The following RHEB variants were observed in gnomAD, a reference collection of about 807,000 sequenced individuals.
RHEB encodes the protein GTP-binding protein Rheb.
RHEB carries 2 observed loss-of-function variants against 28.8 expected under a neutral mutation model. The ratio of observed to expected loss-of-function variants is 0.07; its 90% CI spans 0.03 to 0.22. The LOEUF is 0.22. RHEB is among the 10% of genes least tolerant of loss of function. The pLI, the probability that RHEB is intolerant of heterozygous loss-of-function variation, is 1.00. For synonymous variants in RHEB, 69 were observed against 77.3 expected, an observed-to-expected ratio of 0.89 and a Z score of 0.56; for missense variants, 76 against 219.9, an observed-to-expected ratio of 0.35 and a Z score of 4.14.
chr7:151,491,674 C>A (rs1802584375), intron 1 of RHEB, among the ~76,000 whole-genome samples: 1 of 151,668 alleles, frequency 6.6e-6, no homozygotes, highest in African/African-American at 2.4e-5. Context: ...GAGGCAGAGG[C>A]TGCAGTGGGC....
At chr7:151,515,965 G>C (rs1362916134) in intron 1 of RHEB, among the ~76,000 whole-genome samples, 1 of 152,114 alleles carries the variant, frequency 6.6e-6, no homozygotes, top group Admixed American at 6.5e-5. Flanking sequence ...GGTAAACTAG[G>C]TTACCAAAGC....
intron 2 of RHEB, among the ~76,000 whole-genome samples, chr7:151,489,365 TTATA>T (rs1034465839): frequency 1.1e-4 from 16 of 152,198 alleles, no homozygotes; most frequent in African/African-American, 3.9e-4. Context: ...TTGCTTACTA[TTATA>T]TAATGACCAG....
intron 1 of RHEB, among the ~76,000 whole-genome samples, chr7:151,506,244 T>C (rs1196524127): frequency 3.3e-5 from 5 of 151,672 alleles, no homozygotes; most frequent in African/African-American, 1.2e-4. Context: ...TGGAGTACAA[T>C]GGCAGGATCA....
intron 1 of RHEB, among the ~76,000 whole-genome samples, chr7:151,511,668 T>C (rs1802991476): frequency 1.3e-5 from 2 of 152,184 alleles, no homozygotes; most frequent in South Asian, 4.1e-4. Flanking sequence ...AGATTTCTTT[T>C]TTTTTTTTTG....
At chr7:151,515,291 G>C (rs1237854977) in intron 1 of RHEB, among the ~76,000 whole-genome samples, 1 of 152,196 alleles carries the variant, frequency 6.6e-6, no homozygotes, top group African/African-American at 2.4e-5. Flanking sequence ...TCCAGAGTAA[G>C]TAAATTCATA....
At chr7:151,496,091 A>G (rs1802667423) in intron 1 of RHEB, among the ~76,000 whole-genome samples, 1 of 152,226 alleles carries the variant, frequency 6.6e-6, no homozygotes, top group Non-Finnish European at 1.5e-5. Context: ...GATGTAATGC[A>G]TCTAGGACAC....
chr7:151,514,778 C>A (rs1803046159), intron 1 of RHEB, among the ~76,000 whole-genome samples: 1 of 152,118 alleles, frequency 6.6e-6, no homozygotes, highest in African/African-American at 2.4e-5. Context: ...GTGTCTCACA[C>A]CTGTAATCCC....
intron 3 of RHEB, among the ~76,000 whole-genome samples, chr7:151,484,155 A>G (rs981417169): frequency 7.9e-5 from 12 of 152,162 alleles, no homozygotes; most frequent in Non-Finnish European, 1.6e-4. Flanking sequence ...AGGTCCTCAT[A>G]AGATTAAATC....
At chr7:151,513,377 G>A (rs1425873622) in intron 1 of RHEB, among the ~76,000 whole-genome samples, 1 of 152,164 alleles carries the variant, frequency 6.6e-6, no homozygotes. Context: ...ATGTTGCCAA[G>A]GAAATTATTT....
At chr7:151,493,203 C>A (rs946843160) in intron 1 of RHEB, among the ~76,000 whole-genome samples, 1 of 152,132 alleles carries the variant, frequency 6.6e-6, no homozygotes, top group Non-Finnish European at 1.5e-5. Context: ...GGTTACCACT[C>A]TGACCTCATC....
At chr7:151,470,673 T>C in intron 6 of RHEB, 21 bp from the exon 7 acceptor site, 1 of 1,507,536 alleles carries the variant, frequency 6.6e-7, no homozygotes, top group Non-Finnish European at 9.2e-7. Flanking sequence ...AATAAAATTC[T>C]AGTTAAAGTA....
intron 1 of RHEB, chr7:151,503,118 T>A: frequency 1.2e-6 from 1 of 814,234 alleles, no homozygotes; most frequent in Non-Finnish European, 2.2e-6. Flanking sequence ...GAAATTCTAA[T>A]GGTCTATGAA....
In RHEB at chr7:151,470,592, T is replaced by C. The variant is rs1802144514; in HGVS notation, c.441A>G (p.Glu147=). The change falls in exon 7 of 8, where the codon GAA becomes GAG. Residue 147 remains glutamate, a synonymous_variant. Transcript: ENST00000262187. ...TTACCTGATTTTCTTTAGCAGAAGA[T>C]TCCAAAAAAGCTGCATTCCAAGATT... ...LAESWNAAFL[E]SSAKENQTAV... 7.4e-6 allele frequency: 12 copies of C among 1,612,544 alleles called. No individual in the cohort carries two copies. The highest frequency in any genetic ancestry group is 1.0e-5 in the Non-Finnish European group (12 of 1,178,676).
At chr7:151,513,289 T>G (rs1248130550) in intron 1 of RHEB, among the ~76,000 whole-genome samples, 1 of 152,204 alleles carries the variant, frequency 6.6e-6, no homozygotes, top group African/African-American at 2.4e-5. Context: ...CTATCATTAT[T>G]GCAAATGTGA....
rs1802258046 is a variant in RHEB at position 151,475,629 on chromosome 7, G to A, written c.275+1704C>T. On this transcript the variant is annotated intron_variant, in intron 4 of 7. Coordinates refer to ENST00000262187, the MANE Select transcript of RHEB (RefSeq NM_005614.4). ...TTTACTATTTAAAGTGCTCTTATAA[G>A]TCAGTAAGAAAATGATCATGTTTCC... Among the ~76,000 whole-genome samples the A allele has an allele frequency of 2.6e-5, 4 of 152,126 alleles. No individual in the cohort carries two copies. In the South Asian group the frequency reaches 8.3e-4, roughly 32 times the overall value.
intron 3 of RHEB, among the ~76,000 whole-genome samples, chr7:151,480,262 T>A (rs1194722149): frequency 3.3e-5 from 5 of 152,222 alleles, no homozygotes; most frequent in Non-Finnish European, 7.3e-5. Context: ...AGTCTAACTG[T>A]TGATCAGCAG....
At chr7:151,502,904 G>A (rs1802798113) in intron 1 of RHEB, 1 of 823,028 alleles carries the variant, frequency 1.2e-6, no homozygotes, top group Admixed American at 1.7e-5. Context: ...ACAATCGAAA[G>A]TTTTAAAATT....
intron 1 of RHEB, among the ~76,000 whole-genome samples, chr7:151,494,066 G>A (rs1159475701): frequency 6.6e-6 from 1 of 152,014 alleles, no homozygotes; most frequent in Admixed American, 6.5e-5. Flanking sequence ...TGGGGTTTTT[G>A]TTTTGCTTAC....
chr7:151,477,516 C>A, intron 3 of RHEB, 101 bp from the exon 4 acceptor site: 1 of 683,504 alleles, frequency 1.5e-6, no homozygotes, highest in South Asian at 1.8e-5. Flanking sequence ...TCAAAGTAGA[C>A]GCAGAGTGGA....
Sources: gnomAD v4.1 joint callset for allele counts (sites outside exome capture counted in the v4.1 genomes callset) on GRCh38, gnomAD v4.1.1 for gene constraint, MANE v1.5 for transcripts, NCBI Gene and HGNC (gene_info 2026-07-23, HGNC 2026-07-21) for gene names.